Variants in STIMATE observed in about 807,000 individuals in gnomAD.
STIMATE encodes the protein store-operated calcium entry regulator STIMATE.
STIMATE carries 15 observed loss-of-function variants against 36.7 expected under a neutral mutation model. The observed-to-expected ratio is 0.41, with a 90% CI of 0.27 to 0.63. STIMATE has a LOEUF of 0.63. Among genes scored for constraint, STIMATE ranks in the 20% least tolerant of loss-of-function variants. The pLI is 0.32. For synonymous variants in STIMATE, 163 were observed against 162.3 expected (o/e 1.00, Z -0.03); for missense variants, 305 against 397.3 (o/e 0.77, Z 1.98).
chr3:52,862,266 C>G (rs923458931), intron 1 of STIMATE, among the ~76,000 whole-genome samples: 2 of 152,208 alleles, frequency 1.3e-5, no homozygotes, highest in African/African-American at 4.8e-5. Flanking sequence ...TTTCTACTGG[C>G]AAGCTAACCC....
chr3:52,890,033 C>T (rs892214910), intron 1 of STIMATE, among the ~76,000 whole-genome samples: 1 of 152,184 alleles, frequency 6.6e-6, no homozygotes, highest in Non-Finnish European at 1.5e-5. Flanking sequence ...CTTACCACCC[C>T]CTCCATGTCG....
chr3:52,879,038 T>C (rs1048137099), intron 1 of STIMATE, among the ~76,000 whole-genome samples: 3 of 152,174 alleles, frequency 2.0e-5, no homozygotes, highest in Non-Finnish European at 4.4e-5. Context: ...TAGAATTTTA[T>C]TGATGGAAGA....
At chr3:52,868,773 C>T (rs1167862445) in intron 1 of STIMATE, among the ~76,000 whole-genome samples, 1 of 152,138 alleles carries the variant, frequency 6.6e-6, no homozygotes, top group Non-Finnish European at 1.5e-5. Flanking sequence ...CAGGCACGCG[C>T]CACCATGCCT....
chr3:52,842,996 A>T lies in STIMATE; in HGVS notation c.619-36T>A, dbSNP rs186527076. On this transcript the variant is annotated intron_variant, in intron 6 of 7. Coordinates refer to ENST00000355083, the MANE Select transcript of STIMATE (RefSeq NM_198563.5). The stretch of plus-strand genomic sequence containing the variant: ...GAAAAGTGCAGGTTACTTTGGGATA[A>T]ACCATTTTTCAAAGCAAAGCCGAAC... The T allele has an allele frequency of 3.6e-5, 58 of 1,613,518 alleles. No homozygotes were observed. The East Asian group carries it at 1.2e-3, about 34-fold the overall frequency.
chr3:52,876,537 G>C (rs1575344027), intron 1 of STIMATE, among the ~76,000 whole-genome samples: 1 of 152,126 alleles, frequency 6.6e-6, no homozygotes, highest in Non-Finnish European at 1.5e-5. Flanking sequence ...TCTGCCACCC[G>C]ACACGGCAAG....
intron 1 of STIMATE, among the ~76,000 whole-genome samples, chr3:52,880,470 T>G (rs1701584190): frequency 6.7e-6 from 1 of 150,308 alleles, no homozygotes; most frequent in Non-Finnish European, 1.5e-5. Flanking sequence ...ACCAGGAGAG[T>G]GGTGACTGAG....
chr3:52,844,841 A>C lies in STIMATE; in HGVS notation c.528T>G (p.Leu176=), dbSNP rs1036129867. ...KSVVFIVLLI[L]QWKKVALLNP... ...GGACGAAGCAAACCTTTTTCCACTGAAGTATTAGGAGGACGATGAAGACGA... is the reference window on the plus strand; with the variant it reads ...GGACGAAGCAAACCTTTTTCCACTGCAGTATTAGGAGGACGATGAAGACGA... The change falls in exon 5 of 8, where the codon CTT becomes CTG. Residue 176 remains leucine (L), a synonymous_variant. Transcript: ENST00000355083. 5 of 1,613,914 alleles carry C rather than the reference A, an allele frequency of 3.1e-6. No homozygotes were observed. The highest frequency in any genetic ancestry group is 4.2e-6 in the Non-Finnish European group (5 of 1,179,950).
chr3:52,894,078 C>T lies in STIMATE; in HGVS notation c.160+3213G>A, dbSNP rs191859567. The stretch of plus-strand genomic sequence containing the variant: ...CAGACTATAGACAAAACCACCAAAA[C>T]GAGGAATTGCTTAAAACCACCAAAA... On this transcript the variant is annotated intron_variant, in intron 1 of 7. Coordinates refer to ENST00000355083, the MANE Select transcript of STIMATE (RefSeq NM_198563.5). Among the ~76,000 whole-genome samples the T allele has an allele frequency of 7.2e-3, 1,093 of 152,006 alleles. 114 individuals are homozygous for T. The South Asian group carries it at 0.2, about 28-fold the overall frequency.
chr3:52,855,373 T>C (rs1351976779), intron 2 of STIMATE, 23 bp downstream of exon 2: 36 of 1,429,124 alleles, frequency 2.5e-5, no homozygotes, highest in Non-Finnish European at 3.3e-5. Flanking sequence ...CACTCCAGAA[T>C]GAACTAATAC....
chr3:52,848,795 C>T (rs893117632), intron 4 of STIMATE, among the ~76,000 whole-genome samples: 4 of 152,208 alleles, frequency 2.6e-5, no homozygotes, highest in African/African-American at 9.6e-5. Flanking sequence ...TTCTCAGAAG[C>T]CTTCCCTGGA....
Position 52,842,840 on chromosome 3 carries a change from C to T in STIMATE, c.739G>A (p.Ala247Thr). Residue 247 changes from alanine to threonine, a missense_variant, in exon 7 of 8, where the codon GCC becomes ACC. Ala to Thr is a moderately conservative substitution (Grantham distance 58). Around this residue, in one of 3 missense-constraint regions of STIMATE, gnomAD observed 84 missense variants for 82.4 expected, o/e 1.02. Coordinates refer to ENST00000355083, the MANE Select transcript of STIMATE (RefSeq NM_198563.5). ...RNGSKVRYRRAASHEESESEI... is the reference protein window; with the variant it reads ...RNGSKVRYRRTASHEESESEI... ...GACTCAGACTCCTCGTGGGATGCGGCCCTCCGGTAGCGGACCTTGCTCCCA... is the reference window on the plus strand; with the variant it reads ...GACTCAGACTCCTCGTGGGATGCGGTCCTCCGGTAGCGGACCTTGCTCCCA... 1 of 1,614,248 alleles carries T rather than the reference C, an allele frequency of 6.2e-7. No homozygotes were observed. The highest frequency in any genetic ancestry group is 1.6e-4 in the Middle Eastern group (1 of 6,062).
intron 1 of STIMATE, among the ~76,000 whole-genome samples, chr3:52,863,094 T>G (rs1388506310): frequency 6.6e-6 from 1 of 152,214 alleles, no homozygotes; most frequent in African/African-American, 2.4e-5. Context: ...TTCTGCTGTT[T>G]TAGGCCAAGA....
intron 7 of STIMATE, 88 bp from the exon 8 acceptor site, chr3:52,840,698 A>ATTTTTT: frequency 9.5e-7 from 1 of 1,050,018 alleles, no homozygotes; most frequent in East Asian, 2.8e-5. Context: ...TTCAAGTCTC[A>ATTTTTT]TGTTTTTTTT....
rs1014217833 is a variant in STIMATE, at chr3:52,839,545, AGAGCTCAT to A, written c.*941_*948del. On this transcript the variant is annotated 3_prime_UTR_variant, in exon 8 of 8. Transcript: ENST00000355083. ...TCTCTAATCTGCCAGCAGGAATGCT[AGAGCTCAT>A]GGGCCCTGGGCAGAGCCTTTCCTGT... The A allele has an allele frequency of 4.6e-5, 7 of 152,370 alleles. No homozygotes were observed. Among genetic ancestry groups the A allele is most frequent in the African/African-American group, 1.7e-4 (7 of 41,582 alleles). The allele number at this position is 152,370 out of a possible 1,614,324, so 9.4% of individuals were successfully genotyped here. A position where few individuals can be genotyped will look rare whatever the true frequency, so the allele number is the denominator to read the frequency against.
chr3:52,893,761 C>A (rs1478438922), intron 1 of STIMATE, among the ~76,000 whole-genome samples: 3 of 152,186 alleles, frequency 2.0e-5, no homozygotes, highest in Non-Finnish European at 2.9e-5. Context: ...ATGTCTATAA[C>A]AAAAATAGGC....
chr3:52,867,938 G>A (rs1701338817), intron 1 of STIMATE, among the ~76,000 whole-genome samples: 1 of 152,196 alleles, frequency 6.6e-6, no homozygotes, highest in Non-Finnish European at 1.5e-5. Context: ...AGCCATGCCT[G>A]GCTGGTCCTA....
chr3:52,858,417 G>GT (rs1701145702), intron 1 of STIMATE, among the ~76,000 whole-genome samples: 1 of 152,068 alleles, frequency 6.6e-6, no homozygotes, highest in Non-Finnish European at 1.5e-5. Flanking sequence ...GAGCCCAGGA[G>GT]TTTGAGACCA....
chr3:52,867,359 G>A (rs536746866), intron 1 of STIMATE, among the ~76,000 whole-genome samples: 1 of 152,364 alleles, frequency 6.6e-6, no homozygotes, highest in South Asian at 2.1e-4. Context: ...ACAGCAGGAA[G>A]TCCTGGGACA....
chr3:52,877,818 G>A (rs1375301287), intron 1 of STIMATE, among the ~76,000 whole-genome samples: 1 of 152,114 alleles, frequency 6.6e-6, no homozygotes, highest in Non-Finnish European at 1.5e-5. Flanking sequence ...ATCACTGGCC[G>A]GGTGTGGTGG....
Sources: allele counts gnomAD v4.1 joint callset (sites outside exome capture counted in the v4.1 genomes callset), GRCh38; gene constraint gnomAD v4.1.1; regional missense constraint gnomAD v4.1.1; transcripts MANE v1.5; gene names NCBI Gene and HGNC (gene_info 2026-07-23, HGNC 2026-07-21).